Variants in NPHP4 observed in about 807,000 individuals in gnomAD.
NPHP4 encodes the protein nephrocystin 4.
A neutral mutation model predicts 155.8 loss-of-function variants in NPHP4; 151 were observed. The observed-to-expected ratio is 0.97, with a 90% CI of 0.85 to 1.11. NPHP4 has a LOEUF of 1.11. Ranked by LOEUF, NPHP4 falls within the 50% of genes least tolerant of loss-of-function variation. The pLI is 0.00. For synonymous variants in NPHP4, 845 were observed against 816.8 expected, an observed-to-expected ratio of 1.03 and a Z score of -0.59; for missense variants, 1,956 against 1,925.7, an observed-to-expected ratio of 1.02 and a Z score of -0.29.
intron 12 of NPHP4, among the ~76,000 whole-genome samples, chr1:5,907,656 G>A (rs1207899470): frequency 1.3e-5 from 2 of 152,058 alleles, no homozygotes; most frequent in African/African-American, 4.8e-5. Context: ...GGCCAGCGCG[G>A]GCTCTGGAGA....
rs139967659 is a variant in NPHP4, at chr1:5,879,482, G to A, written c.2611+632C>T. 7.5e-3 allele frequency: 3,881 copies of A among 517,308 alleles called. 31 individuals carry two copies. Among genetic ancestry groups the A allele is most frequent in the Non-Finnish European group, 0.011 (2,733 of 259,048 alleles). 32.0% of individuals were successfully genotyped at this position (517,308 alleles called of 1,614,324 possible). ...CTTCTTTCTTCTGTTCACAACATAG[G>A]GTACTTCAACTTGTTTTGAAAATCA... On this transcript the variant is annotated intron_variant, in intron 19 of 29. Coordinates refer to ENST00000378156, the MANE Select transcript of NPHP4 (RefSeq NM_015102.5).
In NPHP4 at chr1:5,949,369, C is replaced by CACACACACACA. The variant is rs1047844844; in HGVS notation, c.811-1119_811-1118insTGTGTGTGTGT. ...ACACACACACACACACACACACACACAACTTGCTAACTTCATAGACTACTA... is the reference window on the plus strand; with the variant it reads ...ACACACACACACACACACACACACACACACACACACAAACTTGCTAACTTCATAGACTACTA... On this transcript the variant is annotated intron_variant, in intron 7 of 29. Coordinates refer to ENST00000378156, the MANE Select transcript of NPHP4 (RefSeq NM_015102.5). Among the ~76,000 whole-genome samples the CACACACACACA allele has an allele frequency of 5.9e-3, 898 of 151,916 alleles. 8 individuals carry two copies. The highest frequency in any genetic ancestry group is 0.021 in the African/African-American group (858 of 41,340).
chr1:5,931,158 G>C (rs1234092723), intron 10 of NPHP4, among the ~76,000 whole-genome samples: 1 of 152,150 alleles, frequency 6.6e-6, no homozygotes, highest in South Asian at 2.1e-4. Context: ...TTTATTTAAA[G>C]TATACTTCTT....
intron 5 of NPHP4, among the ~76,000 whole-genome samples, chr1:5,965,642 C>T (rs61762132): frequency 0.17 from 26,157 of 152,022 alleles, 2,350 homozygotes; most frequent in African/African-American, 0.22. Context: ...AAACTGAGTT[C>T]CAGGAGTGAC....
chr1:5,992,412 A>C lies in NPHP4; in HGVS notation c.-207T>G, dbSNP rs888538355. 2.0e-5 allele frequency: 3 copies of C among 152,038 alleles called. No individual in the cohort carries two copies. The highest frequency in any genetic ancestry group is 2.9e-5 in the Non-Finnish European group (2 of 68,062). 9.4% of individuals were successfully genotyped at this position (152,038 alleles called of 1,614,324 possible). On this transcript the variant is annotated 5_prime_UTR_variant, in exon 1 of 30. Transcript: ENST00000378156. Reference sequence around the variant, plus strand: ...CGCCCCGTCCGCTGCCACCCGCGGGAGGAGCCTCGGAAGGCGGCGCACCGC... The same window carrying C: ...CGCCCCGTCCGCTGCCACCCGCGGGCGGAGCCTCGGAAGGCGGCGCACCGC...
At chr1:5,911,070 A>G (rs2101313235) in intron 11 of NPHP4, among the ~76,000 whole-genome samples, 1 of 152,318 alleles carries the variant, frequency 6.6e-6, no homozygotes, top group Admixed American at 6.5e-5. Context: ...CCTTCTATAA[A>G]TGAGCTCACG....
intron 7 of NPHP4, among the ~76,000 whole-genome samples, chr1:5,950,085 G>A (rs1647676202): frequency 6.6e-6 from 1 of 152,178 alleles, no homozygotes; most frequent in Non-Finnish European, 1.5e-5. Flanking sequence ...GAGTTTAAGA[G>A]AGGGTCCCTA....
At chr1:5,986,004 G>C in intron 2 of NPHP4, 151 bp downstream of exon 2, 1 of 760,326 alleles carries the variant, frequency 1.3e-6, no homozygotes, top group Non-Finnish European at 2.2e-6. Flanking sequence ...AGCACTGAAA[G>C]TGAAAAACAG....
chr1:5,944,541 G>A lies in NPHP4; in HGVS notation c.1119+2563C>T, dbSNP rs1160698583. 6.6e-6 allele frequency among the ~76,000 whole-genome samples: 1 copy of A among 152,210 alleles called. No homozygotes were observed. Among genetic ancestry groups the A allele is most frequent in the African/African-American group, 2.4e-5 (1 of 41,456 alleles). ...AACCCACTTCCAATGGTTCCGCACAGGAAGCAATTTTTGTGTGGAAGGTCA... is the reference window on the plus strand; with the variant it reads ...AACCCACTTCCAATGGTTCCGCACAAGAAGCAATTTTTGTGTGGAAGGTCA... On this transcript the variant is annotated intron_variant, in intron 9 of 29. Transcript: ENST00000378156. This position sits in a 1 kb window ranked among gnomAD's most constrained non-coding sequence, Gnocchi z 4.3.
At chr1:5,957,223 C>A (rs961266308) in intron 6 of NPHP4, among the ~76,000 whole-genome samples, 1 of 152,182 alleles carries the variant, frequency 6.6e-6, no homozygotes, top group Non-Finnish European at 1.5e-5. Context: ...GAAAAACACA[C>A]CCCACTCTAC....
intron 22 of NPHP4, chr1:5,873,963 A>C: frequency 4.8e-6 from 1 of 208,778 alleles, no homozygotes; most frequent in Non-Finnish European, 9.6e-6. Flanking sequence ...CTGCACACAC[A>C]CCTCACATAT....
At position 5,961,793 on chromosome 1, in the gene NPHP4, C is replaced by T. The variant is rs756898112; in HGVS notation, c.673+1G>A. On this transcript the variant is annotated splice_donor_variant, in intron 6 of 29. Coordinates refer to ENST00000378156, the MANE Select transcript of NPHP4 (RefSeq NM_015102.5). LOFTEE classifies it high-confidence loss of function. ...GTGGAGAGAATCAAAGACGCCCTTACCGGATTCTCCATGAGCTGGAAGCAG... is the reference window on the plus strand; with the variant it reads ...GTGGAGAGAATCAAAGACGCCCTTATCGGATTCTCCATGAGCTGGAAGCAG... 1.2e-6 allele frequency: 2 copies of T among 1,610,526 alleles called. No individual in the cohort carries two copies. Among genetic ancestry groups the T allele is most frequent in the South Asian group, 2.2e-5 (2 of 90,286 alleles).
At chr1:5,952,432 G>T (rs1648287259) in intron 7 of NPHP4, among the ~76,000 whole-genome samples, 2 of 152,194 alleles carry the variant, frequency 1.3e-5, no homozygotes, top group Admixed American at 1.3e-4. Flanking sequence ...GCTCTGTGGG[G>T]GCCTTGGCTG....
chr1:5,878,540 G>A (rs1464580041), intron 19 of NPHP4, among the ~76,000 whole-genome samples: 1 of 152,234 alleles, frequency 6.6e-6, no homozygotes, highest in Non-Finnish European at 1.5e-5. Context: ...CCGTGAAACT[G>A]CACTTGGGGT....
intron 2 of NPHP4, among the ~76,000 whole-genome samples, chr1:5,981,214 G>A (rs1488862464): frequency 6.6e-6 from 1 of 152,096 alleles, no homozygotes; most frequent in Non-Finnish European, 1.5e-5. Context: ...AGGATCCCGT[G>A]GCTCCCAGAA....
chr1:5,984,949 T>C (rs1014205054), intron 2 of NPHP4, among the ~76,000 whole-genome samples: 1 of 152,182 alleles, frequency 6.6e-6, no homozygotes, highest in Non-Finnish European at 1.5e-5. Flanking sequence ...GTGCTGCTGC[T>C]CGTCTATAAA....
chr1:5,891,388 G>A (rs1328280215), intron 16 of NPHP4, among the ~76,000 whole-genome samples: 1 of 152,214 alleles, frequency 6.6e-6, no homozygotes. Flanking sequence ...GTCTACATCT[G>A]CTGTCAAAAC....
At chr1:5,920,440 T>C (rs895439861) in intron 11 of NPHP4, among the ~76,000 whole-genome samples, 5 of 152,198 alleles carry the variant, frequency 3.3e-5, no homozygotes, top group African/African-American at 1.2e-4. Context: ...GCTCCTGCCC[T>C]GGCGGCCCCG....
At chr1:5,884,488 G>A (rs1216406482) in intron 18 of NPHP4, among the ~76,000 whole-genome samples, 47 of 107,728 alleles carry the variant, frequency 4.4e-4, no homozygotes, top group Middle Eastern at 7.1e-3. Flanking sequence ...CCGAGCCCCC[G>A]TCCTACTCCA....
Sources: allele counts gnomAD v4.1 joint callset (sites outside exome capture counted in the v4.1 genomes callset), GRCh38; gene constraint gnomAD v4.1.1; non-coding constraint Gnocchi (gnomAD v3.1); transcripts MANE v1.5; gene names NCBI Gene and HGNC (gene_info 2026-07-23, HGNC 2026-07-21).